NOTCH1: variants seen among roughly 807,000 people sequenced by gnomAD.
NOTCH1 encodes notch receptor 1.
Under a neutral mutation model 254.8 loss-of-function variants are expected in NOTCH1, and 37 were observed. The observed-to-expected ratio is 0.15, with a 90% CI of 0.11 to 0.19. NOTCH1 has a LOEUF of 0.19. Ranked by LOEUF, NOTCH1 falls within the 10% of genes least tolerant of loss-of-function variation. The probability of loss-of-function intolerance (pLI) is 1.00; values close to 1 mark genes in which losing one functional copy is unlikely to be tolerated. For missense variants in NOTCH1, 2,972 were observed against 3,708.6 expected (o/e 0.80, Z 5.16); for synonymous variants, 1,731 against 1,618.1 (o/e 1.07, Z -1.68).
In NOTCH1 at chr9:136,518,260, T is replaced by C. The variant is rs1239938980; in HGVS notation, c.1132A>G (p.Ser378Gly). Residue 378 changes from serine to glycine, a missense_variant, in exon 7 of 34, where the codon AGC (serine) becomes GGC (glycine). Physicochemically the swap from Ser to Gly is moderately conservative, Grantham distance 56. Coordinates refer to ENST00000651671, the MANE Select transcript of NOTCH1 (RefSeq NM_017617.5). Reference sequence around the variant, plus strand: ...TTGGAGCCCTCGTTACAGGGGTTGCTGATGCATGCGTCGTTGAGGTGGCAC... The same window carrying C: ...TTGGAGCCCTCGTTACAGGGGTTGCCGATGCATGCGTCGTTGAGGTGGCAC... ...LLCHLNDACI[S>G]NPCNEGSNCD... 2 of 1,611,242 alleles carry C rather than the reference T, an allele frequency of 1.2e-6. No individual in the cohort carries two copies. The highest frequency in any genetic ancestry group is 1.7e-6 in the Non-Finnish European group (2 of 1,179,404).
chr9:136,536,596 T>A (rs529065156), intron 2 of NOTCH1, among the ~76,000 whole-genome samples: 5 of 152,296 alleles, frequency 3.3e-5, no homozygotes, highest in African/African-American at 1.2e-4. Context: ...GCTCCTTTGG[T>A]CTGGAGCTCC....
rs2133331460 is a variant in NOTCH1, at chr9:136,502,399, C to A, written c.5257G>T (p.Gly1753Trp). The change falls in exon 28 of 34, where the codon GGG becomes TGG. Residue 1753 changes from glycine (G) to tryptophan (W), a missense_variant. Gly to Trp is a radical substitution (Grantham distance 184). Coordinates refer to ENST00000651671, the MANE Select transcript of NOTCH1 (RefSeq NM_017617.5). The part of the protein sequence containing the change: ...AFVLLFFVGC[G>W]VLLSRKRRRQ... ...CGGCGCTTGCGGGACAGCAGCACCC[C>A]GCAGCCCACGAAGAACAGAAGCACA... The A allele has an allele frequency of 6.2e-7, 1 of 1,611,872 alleles. No homozygotes were observed.
Position 136,513,648 on chromosome 9 carries a change from CA to C in NOTCH1, c.2208-112del. The C allele has an allele frequency of 8.1e-7, 1 of 1,231,346 alleles. No individual in the cohort carries two copies. Among genetic ancestry groups the C allele is most frequent in the Non-Finnish European group, 1.2e-6 (1 of 865,070 alleles). The allele number at this position is 1,231,346 out of a possible 1,614,324, so 76.3% of individuals were successfully genotyped here. The stretch of plus-strand genomic sequence containing the variant: ...GGGCTGGCGGAGGTGCCCATCCACT[CA>C]GACTCGCAGAGTCCTTTAGTGGGGG... On this transcript the variant is annotated intron_variant, in intron 13 of 33. Transcript: ENST00000651671. The surrounding 1 kb of genome is among the most constrained non-coding windows in gnomAD (Gnocchi z 4.7).
intron 4 of NOTCH1, among the ~76,000 whole-genome samples, chr9:136,522,432 C>T (rs560870547): frequency 2.0e-5 from 3 of 152,350 alleles, no homozygotes; most frequent in East Asian, 3.9e-4. Flanking sequence ...CACCCACACC[C>T]GCAGGAGACC....
chr9:136,516,458 C>T (rs1017420123), intron 9 of NOTCH1, among the ~76,000 whole-genome samples: 8 of 152,202 alleles, frequency 5.3e-5, no homozygotes, highest in African/African-American at 7.2e-5. Flanking sequence ...CTCTGCGCCC[C>T]GGCCCCCAGC....
chr9:136,503,453 C>G, intron 26 of NOTCH1, 123 bp from the exon 27 acceptor site: 1 of 1,456,788 alleles, frequency 6.9e-7, no homozygotes. Context: ...GTGAGGCAGC[C>G]TGGGGTGGTG....
At position 136,515,502 on chromosome 9, in the gene NOTCH1, G is replaced by C. The variant is rs368173353; in HGVS notation, c.1884C>G (p.Phe628Leu). ...CQDRDNAYLC[F>L]CLKGTTGPNC... ...GGCCACCTGTGGTCCCCTTCAGGCA[G>C]AAGCAGAGGTAGGCGTTGTCGCGGT... Residue 628 changes from phenylalanine to leucine, a missense_variant, in exon 11 of 34, where the codon TTC (phenylalanine) becomes TTG (leucine). Physicochemically the swap from Phe to Leu is conservative, Grantham distance 22. Around this residue, in one of 8 missense-constraint regions of NOTCH1, gnomAD observed 1,343 missense variants for 1,557.0 expected, o/e 0.86. Transcript: ENST00000651671. 9.9e-6 allele frequency: 16 copies of C among 1,612,044 alleles called. No individual in the cohort carries two copies. The highest frequency in any genetic ancestry group is 1.3e-5 in the Non-Finnish European group (15 of 1,179,806).
Position 136,518,190 on chromosome 9 carries a change from G to A in NOTCH1, c.1202C>T (p.Pro401Leu). The stretch of plus-strand genomic sequence containing the variant: ...GCAGGCCGGGCCCGTGTACCCCGAG[G>A]GGCAGGTGCAGATGGCCTTGCCATT... ...PVNGKAICTCPSGYTGPACSQ... is the reference protein window; with the variant it reads ...PVNGKAICTCLSGYTGPACSQ... Residue 401 changes from proline to leucine, a missense_variant, in exon 7 of 34, where the codon CCC becomes CTC. Pro to Leu is a moderately conservative substitution (Grantham distance 98). Transcript: ENST00000651671. 4 of 1,604,446 alleles carry A rather than the reference G, an allele frequency of 2.5e-6. No individual in the cohort carries two copies. Among genetic ancestry groups the A allele is most frequent in the Non-Finnish European group, 3.4e-6 (4 of 1,176,108 alleles).
intron 10 of NOTCH1, 97 bp from the exon 11 acceptor site, chr9:136,515,813 G>T (rs1843258746): frequency 4.7e-6 from 6 of 1,275,792 alleles, no homozygotes; most frequent in Non-Finnish European, 6.5e-6. Context: ...AACCTGAGGA[G>T]GGCTCCGAGC....
chr9:136,520,610 G>A (rs1372573796), intron 4 of NOTCH1, among the ~76,000 whole-genome samples: 2 of 152,142 alleles, frequency 1.3e-5, no homozygotes, highest in Non-Finnish European at 2.9e-5. Context: ...GGTGGCGCCG[G>A]CCTGTGGTCC....
At chr9:136,537,064 T>C (rs1409148836) in intron 2 of NOTCH1, among the ~76,000 whole-genome samples, 1 of 152,174 alleles carries the variant, frequency 6.6e-6, no homozygotes, top group African/African-American at 2.4e-5. Context: ...GGCACGCCAG[T>C]CCATCCTACA....
At chr9:136,507,266 T>TG in intron 22 of NOTCH1, 39 bp downstream of exon 22, 1 of 1,612,618 alleles carries the variant, frequency 6.2e-7, no homozygotes, top group African/African-American at 1.3e-5. Flanking sequence ...GCCCTGGCCA[T>TG]GGATGGCCAA....
In NOTCH1 at chr9:136,500,908, G is replaced by A. The variant is rs1842985332; in HGVS notation, c.5639-61C>T. ...CCGGTCCCCAGCTGCAGCCCAGGGG[G>A]AGGGGGGCAGCAGCCCCAAGCTCAA... On this transcript the variant is annotated intron_variant, in intron 30 of 33. Coordinates refer to ENST00000651671, the MANE Select transcript of NOTCH1 (RefSeq NM_017617.5). 8 of 1,511,628 alleles carry A rather than the reference G, an allele frequency of 5.3e-6. No homozygotes were observed. In the South Asian group the frequency reaches 6.1e-5, roughly 12 times the overall value. 93.6% of individuals were successfully genotyped at this position (1,511,628 alleles called of 1,614,324 possible). A position where few individuals can be genotyped will look rare whatever the true frequency, so the allele number is the denominator to read the frequency against.
In NOTCH1 at chr9:136,509,819, C is replaced by T. The variant is rs774785001; in HGVS notation, c.2883G>A (p.Thr961=). The change falls in exon 18 of 34, where the codon ACG becomes ACA. Residue 961 remains threonine (T), a synonymous_variant. Coordinates refer to ENST00000651671, the MANE Select transcript of NOTCH1 (RefSeq NM_017617.5). The part of the protein sequence containing the change: ...SDPCRNGANC[T]DCVDSYTCTC... ...TGCACGTGTAGCTGTCCACGCAGTC[C>T]GTGCAGTTGGCCCCGTTGCGGCAGG... The T allele has an allele frequency of 7.4e-6, 12 of 1,613,046 alleles. No individual in the cohort carries two copies. The highest frequency in any genetic ancestry group is 6.6e-5 in the South Asian group (6 of 91,094).
intron 17 of NOTCH1, 79 bp downstream of exon 17, chr9:136,510,573 CA>C: frequency 6.6e-7 from 1 of 1,523,540 alleles, no homozygotes; most frequent in Non-Finnish European, 8.8e-7. Flanking sequence ...TTATGGCCAG[CA>C]CCATGCGCAC....
intron 2 of NOTCH1, among the ~76,000 whole-genome samples, chr9:136,538,027 C>A (rs1843680690): frequency 6.6e-6 from 1 of 152,162 alleles, no homozygotes; most frequent in African/African-American, 2.4e-5. Flanking sequence ...TTACAGTGAG[C>A]CAAGACTGCG....
At chr9:136,510,050 G>T in intron 17 of NOTCH1, 89 bp from the exon 18 acceptor site, 2 of 1,296,808 alleles carry the variant, frequency 1.5e-6, no homozygotes, top group Non-Finnish European at 2.2e-6. Flanking sequence ...GCTGGGGACA[G>T]CCCAGCCTTT....
chr9:136,516,379 G>A (rs1018051659), intron 9 of NOTCH1, among the ~76,000 whole-genome samples: 2 of 152,342 alleles, frequency 1.3e-5, no homozygotes, highest in Middle Eastern at 3.4e-3. Flanking sequence ...GGCTCCCCTC[G>A]CTCCAGTGTC....
chr9:136,496,131 G>A lies in NOTCH1; in HGVS notation c.7608C>T (p.Val2536=), dbSNP rs775100628. ...ACTGCATGCTGGTGGGAGGGCTGGA[G>A]ACGCCCTCGGACCAGTCGGAGACGT... The part of the protein sequence containing the change: ...HSNVSDWSEG[V]SSPPTSMQSQ... The change falls in exon 34 of 34, where the codon GTC becomes GTT. Residue 2536 remains valine, a synonymous_variant. Coordinates refer to ENST00000651671, the MANE Select transcript of NOTCH1 (RefSeq NM_017617.5). 3 of 1,609,526 alleles carry A rather than the reference G, an allele frequency of 1.9e-6. No individual in the cohort carries two copies. Among genetic ancestry groups the A allele is most frequent in the Non-Finnish European group, 2.5e-6 (3 of 1,179,400 alleles).
Sources: gnomAD v4.1 joint callset for allele counts (sites outside exome capture counted in the v4.1 genomes callset) on GRCh38, gnomAD v4.1.1 for gene constraint, gnomAD v4.1.1 regional missense constraint, Gnocchi (gnomAD v3.1) non-coding constraint, MANE v1.5 for transcripts, NCBI Gene and HGNC (gene_info 2026-07-23, HGNC 2026-07-21) for gene names.